The following NT5DC3 variants were observed in gnomAD, a reference collection of about 807,000 sequenced individuals.
NT5DC3 encodes the protein 5'-nucleotidase domain containing 3.
Under a neutral mutation model 67.8 loss-of-function variants are expected in NT5DC3, and 42 were observed. That is an observed-to-expected ratio of 0.62 (90% CI 0.48 to 0.80). The LOEUF is 0.80. NT5DC3 is among the 30% of genes least tolerant of loss of function. The probability of loss-of-function intolerance (pLI) is 0.00; values close to 1 mark genes in which losing one functional copy is unlikely to be tolerated. For missense variants in NT5DC3, 570 were observed against 696.4 expected (o/e 0.82, Z 2.04); for synonymous variants, 237 against 255.6 (o/e 0.93, Z 0.69).
At chr12:103,840,913 C>A in intron 1 of NT5DC3, 36 bp downstream of exon 1, 1 of 1,273,544 alleles carries the variant, frequency 7.9e-7, no homozygotes, top group Non-Finnish European at 1.0e-6. Flanking sequence ...GCAGGAGGGG[C>A]CCCAGGCGCC....
chr12:103,823,035 A>G (rs914710259), intron 1 of NT5DC3, among the ~76,000 whole-genome samples: 51 of 152,140 alleles, frequency 3.4e-4, no homozygotes, highest in African/African-American at 9.2e-4. Flanking sequence ...TAAAAGTTCA[A>G]TTGTATTGAT....
chr12:103,765,086 C>CAAA, the NT5DC3 span, among the ~76,000 whole-genome samples: 29 of 66,510 alleles, frequency 4.4e-4, no homozygotes, highest in East Asian at 2.2e-3. Context: ...GACTCTGTCT[C>CAAA]AAAAAAAAAA....
chr12:103,751,669 G>A, the NT5DC3 span, among the ~76,000 whole-genome samples: 1 of 152,186 alleles, frequency 6.6e-6, no homozygotes, highest in Non-Finnish European at 1.5e-5. Context: ...CCCTGGGACT[G>A]TGAAGTCAAG....
chr12:103,818,350 TC>T (rs1289644320), intron 1 of NT5DC3, among the ~76,000 whole-genome samples: 1 of 151,942 alleles, frequency 6.6e-6, no homozygotes, highest in Non-Finnish European at 1.5e-5. Context: ...GGTTTTTCTT[TC>T]ATCAAAATCA....
chr12:103,755,792 C>T, the NT5DC3 span: 1 of 1,422,928 alleles, frequency 7.0e-7, no homozygotes. Flanking sequence ...AGGGGTGAGG[C>T]CTTAAGCTGA....
chr12:103,803,182 A>C (rs1164245792), intron 4 of NT5DC3, among the ~76,000 whole-genome samples: 1 of 152,212 alleles, frequency 6.6e-6, no homozygotes, highest in Admixed American at 6.5e-5. Context: ...TTCTGGGAAA[A>C]CATTAGGAGC....
At position 103,780,317 on chromosome 12, in the gene NT5DC3, C is replaced by A; in HGVS notation, c.1377G>T (p.Lys459Asn). Reference protein sequence around the residue: ...ESQLVLQEWKKERKEMREMTK... With the variant: ...ESQLVLQEWKNERKEMREMTK... The stretch of plus-strand genomic sequence containing the variant: ...TCTCTTACCGCATCTCCTTCCTTTC[C>A]TTTTTCCACTCCTGCAAAACCAGCT... The change falls in exon 13 of 14, where the codon AAG becomes AAT. Residue 459 changes from lysine to asparagine, a missense_variant. By Grantham distance (94) the Lys-to-Asn change is moderately conservative. This residue lies in a region of NT5DC3 where 466 missense variants were observed against 608.0 expected (regional missense o/e 0.77). Transcript: ENST00000392876. The A allele has an allele frequency of 6.2e-7, 1 of 1,614,122 alleles. No individual in the cohort carries two copies. The highest frequency in any genetic ancestry group is 1.7e-5 in the Admixed American group (1 of 60,030).
intron 12 of NT5DC3, among the ~76,000 whole-genome samples, chr12:103,783,674 C>T (rs1885648366): frequency 6.6e-6 from 1 of 151,938 alleles, no homozygotes; most frequent in African/African-American, 2.4e-5. Flanking sequence ...TACCCCACAC[C>T]TCATATAATT....
chr12:103,840,867 T>C, intron 1 of NT5DC3, 82 bp downstream of exon 1: 5 of 750,284 alleles, frequency 6.7e-6, no homozygotes, highest in Non-Finnish European at 9.3e-6. Context: ...GCTGGGCTGG[T>C]CCGGGTCCTA....
At chr12:103,827,736 TCA>T (rs1887753747) in intron 1 of NT5DC3, among the ~76,000 whole-genome samples, 1 of 152,238 alleles carries the variant, frequency 6.6e-6, no homozygotes, top group Non-Finnish European at 1.5e-5. Context: ...CCCAGCTTGA[TCA>T]ATCAGCTAGC....
chr12:103,761,182 A>G, the NT5DC3 span: 4 of 836,872 alleles, frequency 4.8e-6, no homozygotes, highest in Non-Finnish European at 7.8e-6. Flanking sequence ...GCTGCCTATC[A>G]GTGGAGACAA....
At chr12:103,801,066 T>G (rs2139370568) in intron 4 of NT5DC3, among the ~76,000 whole-genome samples, 1 of 152,180 alleles carries the variant, frequency 6.6e-6, no homozygotes, top group South Asian at 2.1e-4. Flanking sequence ...GGTACAAAAA[T>G]GAGGCTGCAG....
chr12:103,813,309 C>T (rs1887112208), intron 2 of NT5DC3, among the ~76,000 whole-genome samples: 2 of 152,158 alleles, frequency 1.3e-5, no homozygotes, highest in South Asian at 2.1e-4. Context: ...GGCAAAGGAC[C>T]GCAGTTTAGA....
At chr12:103,747,689 A>G in the NT5DC3 span, among the ~76,000 whole-genome samples, 1,419 of 152,238 alleles carry the variant, frequency 9.3e-3, 21 homozygotes, top group African/African-American at 0.033. Flanking sequence ...CTGAAAATCT[A>G]TTATTACAGA....
the NT5DC3 span, among the ~76,000 whole-genome samples, chr12:103,751,751 G>A: frequency 6.6e-6 from 1 of 152,182 alleles, no homozygotes; most frequent in Non-Finnish European, 1.5e-5. Context: ...CCACTTCCAA[G>A]TGGAAATCTA....
At chr12:103,749,072 G>C in the NT5DC3 span, 1 of 1,614,146 alleles carries the variant, frequency 6.2e-7, no homozygotes, top group Non-Finnish European at 8.5e-7. Context: ...AAGGGGACGG[G>C]CACAGCTGCA....
intron 10 of NT5DC3, 61 bp from the exon 11 acceptor site, chr12:103,787,588 TACAA>T: frequency 6.4e-6 from 6 of 938,762 alleles, no homozygotes; most frequent in Non-Finnish European, 8.1e-6. Flanking sequence ...TAACCCACAG[TACAA>T]AATATAAAAC....
chr12:103,758,316 T>G, the NT5DC3 span: 1 of 1,610,404 alleles, frequency 6.2e-7, no homozygotes, highest in Non-Finnish European at 8.5e-7. Context: ...GTGCCTTTGC[T>G]TTAGACTAGC....
At chr12:103,805,974 C>G (rs1231080775) in intron 4 of NT5DC3, among the ~76,000 whole-genome samples, 1 of 152,066 alleles carries the variant, frequency 6.6e-6, no homozygotes, top group South Asian at 2.1e-4. Flanking sequence ...GACCCTCCCT[C>G]AGCTTGCCAG....
Sources: gnomAD v4.1 joint callset for allele counts (sites outside exome capture counted in the v4.1 genomes callset) on GRCh38, gnomAD v4.1.1 for gene constraint, gnomAD v4.1.1 regional missense constraint, MANE v1.5 for transcripts, NCBI Gene and HGNC (gene_info 2026-07-23, HGNC 2026-07-21) for gene names.